OCA2: variants seen among roughly 807,000 people sequenced by gnomAD.
OCA2 encodes P protein.
In OCA2, 77 loss-of-function variants were observed where a neutral mutation model predicts 100.2. The observed-to-expected ratio is 0.77, with a 90% CI of 0.64 to 0.93. OCA2 has a LOEUF of 0.93. Ranked by LOEUF, OCA2 falls within the 40% of genes least tolerant of loss-of-function variation. OCA2 has a pLI of 0.00. For missense variants in OCA2, 1,062 were observed against 1,089.1 expected, an observed-to-expected ratio of 0.98 and a Z score of 0.35; for synonymous variants, 432 against 439.2, an observed-to-expected ratio of 0.98 and a Z score of 0.21.
intron 23 of OCA2, among the ~76,000 whole-genome samples, chr15:27,760,385 A>T (rs2030737719): frequency 6.6e-6 from 1 of 151,952 alleles, no homozygotes. Context: ...CAATAATTTA[A>T]GTTCCCATCT....
At chr15:27,970,476 G>C (rs1227715500) in intron 14 of OCA2, among the ~76,000 whole-genome samples, 1 of 150,964 alleles carries the variant, frequency 6.6e-6, no homozygotes. Context: ...CGCCCCAGCA[G>C]GCACGGCATG....
chr15:27,825,108 A>C (rs2034665642), intron 23 of OCA2, among the ~76,000 whole-genome samples: 1 of 152,238 alleles, frequency 6.6e-6, no homozygotes, highest in Non-Finnish European at 1.5e-5. Flanking sequence ...CAATTAAAAA[A>C]TGGCTTTGGG....
intron 23 of OCA2, among the ~76,000 whole-genome samples, chr15:27,812,630 C>G (rs572952251): frequency 6.6e-6 from 1 of 152,200 alleles, no homozygotes; most frequent in East Asian, 1.9e-4. Flanking sequence ...TTATTCATTC[C>G]AAGTTCAGAA....
intron 23 of OCA2, among the ~76,000 whole-genome samples, chr15:27,819,095 A>G (rs750098042): frequency 4.6e-5 from 7 of 152,236 alleles, no homozygotes; most frequent in African/African-American, 1.7e-4. Context: ...TTTGTAAAAT[A>G]AAATGAGAAT....
At chr15:27,857,711 C>T (rs1333439583) in intron 21 of OCA2, among the ~76,000 whole-genome samples, 1 of 151,814 alleles carries the variant, frequency 6.6e-6, no homozygotes, top group Non-Finnish European at 1.5e-5. Flanking sequence ...ATCAAATCTA[C>T]CAACATATGC....
intron 19 of OCA2, among the ~76,000 whole-genome samples, chr15:27,887,512 G>C (rs2037274876): frequency 6.6e-6 from 1 of 151,440 alleles, no homozygotes; most frequent in Non-Finnish European, 1.5e-5. Flanking sequence ...ACCTGAGGAG[G>C]GACCCCACTA....
rs189986718 is a variant in OCA2 at position 28,065,800 on chromosome 15, A to C, written c.227+15848T>G. Among the ~76,000 whole-genome samples the C allele has an allele frequency of 3.3e-5, 5 of 152,308 alleles. No homozygotes were observed. In the East Asian group the frequency reaches 9.6e-4, roughly 29 times the overall value. On this transcript the variant is annotated intron_variant, in intron 2 of 23. Coordinates refer to ENST00000354638, the MANE Select transcript of OCA2 (RefSeq NM_000275.3). ...ATCTAAATCTTCTTTAAGTTCTCTC[A>C]GCAATATTTTGTGTTGTTCAATTAT... is the stretch of plus-strand genomic sequence containing the variant.
intron 23 of OCA2, among the ~76,000 whole-genome samples, chr15:27,765,934 C>T (rs2031223236): frequency 6.6e-6 from 1 of 152,162 alleles, no homozygotes; most frequent in Admixed American, 6.5e-5. Context: ...TTGTGCCAAC[C>T]TCCTAACTCA....
chr15:27,806,358 G>T (rs1180218831), intron 23 of OCA2, among the ~76,000 whole-genome samples: 1 of 152,248 alleles, frequency 6.6e-6, no homozygotes, highest in African/African-American at 2.4e-5. Flanking sequence ...TCACAGATGT[G>T]TAAAGTGCAC....
Position 27,754,974 on chromosome 15 carries a change from T to G in OCA2, c.*414A>C, listed in dbSNP as rs2030222258. ...ATATTCAGAAAGCATACAATTTGAATGCTGATTATTTTAACATGAAAAGTG... is the reference window on the plus strand; with the variant it reads ...ATATTCAGAAAGCATACAATTTGAAGGCTGATTATTTTAACATGAAAAGTG... On this transcript the variant is annotated 3_prime_UTR_variant, in exon 24 of 24. Transcript: ENST00000354638. 1 of 244,042 alleles carries G rather than the reference T, an allele frequency of 4.1e-6. No homozygotes were observed. The highest frequency in any genetic ancestry group is 4.9e-5 in the Admixed American group (1 of 20,386). 15.1% of individuals were successfully genotyped at this position (244,042 alleles called of 1,614,324 possible). A position where few individuals can be genotyped will look rare whatever the true frequency, so the allele number is the denominator to read the frequency against.
chr15:27,915,686 A>T (rs564515191), intron 19 of OCA2, among the ~76,000 whole-genome samples: 1 of 152,342 alleles, frequency 6.6e-6, no homozygotes, highest in Admixed American at 6.5e-5. Context: ...GTTAGTATTA[A>T]AAAGTGAAAA....
At chr15:27,862,659 G>A (rs540830852) in intron 21 of OCA2, among the ~76,000 whole-genome samples, 2 of 152,202 alleles carry the variant, frequency 1.3e-5, no homozygotes, top group South Asian at 4.2e-4. Flanking sequence ...ATTTTTAGTA[G>A]AGACAGGCTT....
chr15:27,995,305 G>T (rs1232417699), intron 9 of OCA2, among the ~76,000 whole-genome samples: 1 of 152,170 alleles, frequency 6.6e-6, no homozygotes, highest in Non-Finnish European at 1.5e-5. Context: ...AGCAGAAAAA[G>T]ACATTCTTCT....
intron 14 of OCA2, among the ~76,000 whole-genome samples, chr15:27,975,365 T>C (rs1160997343): frequency 6.6e-6 from 1 of 152,212 alleles, no homozygotes; most frequent in Admixed American, 6.5e-5. Context: ...TTGAACTATT[T>C]TTCTACCTAT....
At chr15:27,876,759 T>A (rs1210353208) in intron 19 of OCA2, among the ~76,000 whole-genome samples, 1 of 151,976 alleles carries the variant, frequency 6.6e-6, no homozygotes, top group Non-Finnish European at 1.5e-5. Flanking sequence ...TTTTTTTAAT[T>A]CCTGTAGGGT....
chr15:27,730,732 A>AATATATATAC, the OCA2 span, among the ~76,000 whole-genome samples: 1 of 102,014 alleles, frequency 9.8e-6, no homozygotes, highest in African/African-American at 3.3e-5. Flanking sequence ...AAAAAGACCA[A>AATATATATAC]ATATATATAT....
At chr15:28,006,269 CA>C (rs1236164087) in intron 9 of OCA2, among the ~76,000 whole-genome samples, 1 of 152,198 alleles carries the variant, frequency 6.6e-6, no homozygotes, top group African/African-American at 2.4e-5. Context: ...CACCACCCCC[CA>C]CCTCTCATTG....
intron 6 of OCA2, 62 bp from the exon 7 acceptor site, chr15:28,018,619 G>A (rs999009319): frequency 2.6e-5 from 38 of 1,488,606 alleles, no homozygotes; most frequent in Admixed American, 2.5e-4. Context: ...CCCGCCGCCC[G>A]CCAGACGCAC....
At chr15:27,954,152 C>CAT (rs1195282341) in intron 17 of OCA2, among the ~76,000 whole-genome samples, 1 of 54,352 alleles carries the variant, frequency 1.8e-5, no homozygotes, top group African/African-American at 3.8e-5. Context: ...CACACACACA[C>CAT]ACACACACCT....
Sources: gnomAD v4.1 joint callset for allele counts (sites outside exome capture counted in the v4.1 genomes callset) on GRCh38, gnomAD v4.1.1 for gene constraint, MANE v1.5 for transcripts, NCBI Gene and HGNC (gene_info 2026-07-23, HGNC 2026-07-21) for gene names.